SYK: variants seen among roughly 807,000 people sequenced by gnomAD.
The protein encoded by SYK is spleen associated tyrosine kinase.
Under a neutral mutation model 77.8 loss-of-function variants are expected in SYK, and 16 were observed. The ratio of observed to expected loss-of-function variants is 0.21; its 90% CI spans 0.14 to 0.31. The LOEUF is 0.31. Ranked by LOEUF, SYK falls within the 10% of genes least tolerant of loss-of-function variation. SYK has a pLI of 1.00. For missense variants in SYK, 529 were observed against 814.4 expected (o/e 0.65, Z 4.26); for synonymous variants, 312 against 308.7 (o/e 1.01, Z -0.11).
At chr9:90,871,484 C>G (rs1014757744) in intron 7 of SYK, among the ~76,000 whole-genome samples, 5 of 152,192 alleles carry the variant, frequency 3.3e-5, no homozygotes, top group Non-Finnish European at 5.9e-5. Flanking sequence ...CATTATGCCA[C>G]TGTGCTCATT....
intron 13 of SYK, among the ~76,000 whole-genome samples, chr9:90,893,287 G>T (rs1200601124): frequency 6.6e-6 from 1 of 152,122 alleles, no homozygotes; most frequent in African/African-American, 2.4e-5. Context: ...TGTCGAAGTA[G>T]TTTCTCACAG....
chr9:90,879,479 C>T (rs940724637), intron 11 of SYK, among the ~76,000 whole-genome samples: 1 of 152,200 alleles, frequency 6.6e-6, no homozygotes, highest in Non-Finnish European at 1.5e-5. Context: ...TACTGCAGTT[C>T]AGAGCTCCAA....
chr9:90,873,691 C>T (rs563156866), intron 7 of SYK, among the ~76,000 whole-genome samples: 1 of 152,274 alleles, frequency 6.6e-6, no homozygotes, highest in South Asian at 2.1e-4. Context: ...TGCATCTCCA[C>T]CGAAGATAAA....
In SYK at chr9:90,864,336, G is replaced by A. The variant is rs182565281; in HGVS notation, c.718-253G>A. ...ACAAAGGACACAGATACGGTATGAGGCCCACAAAAGCCTAAAATACCACTT... is the reference window on the plus strand; with the variant it reads ...ACAAAGGACACAGATACGGTATGAGACCCACAAAAGCCTAAAATACCACTT... On this transcript the variant is annotated intron_variant, in intron 4 of 13. Coordinates refer to ENST00000375754, the MANE Select transcript of SYK (RefSeq NM_003177.7). 5.3e-4 allele frequency among the ~76,000 whole-genome samples: 81 copies of A among 152,266 alleles called. 2 individuals carry two copies. The East Asian group carries it at 9.3e-3, about 17-fold the overall frequency.
At chr9:90,859,313 T>C (rs759780829) in intron 3 of SYK, among the ~76,000 whole-genome samples, 2 of 152,212 alleles carry the variant, frequency 1.3e-5, no homozygotes, top group Non-Finnish European at 2.9e-5. Context: ...ATTTGTTTGT[T>C]TTTTTAGTTT....
rs1828981691 is a variant in SYK, at chr9:90,896,263, C to A, written c.*663C>A. On this transcript the variant is annotated 3_prime_UTR_variant, in exon 14 of 14. Transcript: ENST00000375754. ...TCTCTGTTATGAGATGGAAGACTTA[C>A]ATGTTTGTGATAAAAGGGGACCATG... 8.6e-6 allele frequency: 2 copies of A among 232,832 alleles called. No individual in the cohort carries two copies. Among genetic ancestry groups the A allele is most frequent in the African/African-American group, 2.2e-5 (1 of 45,280 alleles). The allele number at this position is 232,832 out of a possible 1,614,324, so 14.4% of individuals were successfully genotyped here. A position where few individuals can be genotyped will look rare whatever the true frequency, so the allele number is the denominator to read the frequency against.
intron 6 of SYK, among the ~76,000 whole-genome samples, chr9:90,865,309 TG>T (rs1827441238): frequency 6.6e-6 from 1 of 151,878 alleles, no homozygotes; most frequent in African/African-American, 2.4e-5. Flanking sequence ...TTTTTTCTTT[TG>T]CTTTTTTTTT....
rs373151521 is a variant in SYK, at chr9:90,855,697, T to TGAGA, written c.579-6490_579-6487dup. ...GTGTGTGTGTGTGTGTGGGTGTGTG[T>TGAGA]GAGAGAGAGAGAGAGAGAGAGACAG... On this transcript the variant is annotated intron_variant, in intron 3 of 13. Transcript: ENST00000375754. Among the ~76,000 whole-genome samples, 17 of 150,182 alleles carry TGAGA rather than the reference T, an allele frequency of 1.1e-4. No individual in the cohort carries two copies. In the East Asian group the frequency reaches 1.4e-3, roughly 12 times the overall value.
chr9:90,873,119 T>A (rs1172629380), intron 7 of SYK, among the ~76,000 whole-genome samples: 1 of 152,178 alleles, frequency 6.6e-6, no homozygotes, highest in Non-Finnish European at 1.5e-5. Flanking sequence ...GCGGTAGTGG[T>A]GCATTGTGAC....
chr9:90,827,437 A>T (rs1161693757), intron 1 of SYK: 1 of 152,186 alleles, frequency 6.6e-6, no homozygotes, highest in East Asian at 1.9e-4. Flanking sequence ...TGGCTTGTTG[A>T]TGCCTGTCTT....
chr9:90,877,508 A>G (rs1827985838), intron 9 of SYK, 63 bp from the exon 10 acceptor site: 2 of 1,557,208 alleles, frequency 1.3e-6, no homozygotes, highest in African/African-American at 2.7e-5. Context: ...GCTTCACAGG[A>G]TAAGATTATC....
chr9:90,805,764 C>T (rs1295683206), intron 1 of SYK, among the ~76,000 whole-genome samples: 2 of 152,148 alleles, frequency 1.3e-5, no homozygotes, highest in Non-Finnish European at 2.9e-5. Flanking sequence ...AAGTTAATTT[C>T]TCTTTTTGTT....
In SYK at chr9:90,879,048, A is replaced by G; in HGVS notation, c.1581+95A>G. On this transcript the variant is annotated intron_variant, in intron 11 of 13. Coordinates refer to ENST00000375754, the MANE Select transcript of SYK (RefSeq NM_003177.7). ...TATTTTATTATTGGTATGGTTTCAA[A>G]AAGCAGTTTTGCTACTGAAAAATAA... 3.1e-6 allele frequency: 3 copies of G among 973,776 alleles called. No homozygotes were observed. In the South Asian group the frequency reaches 5.2e-5, roughly 17 times the overall value. The allele number at this position is 973,776 out of a possible 1,614,324, so 60.3% of individuals were successfully genotyped here.
intron 11 of SYK, among the ~76,000 whole-genome samples, chr9:90,885,757 A>G (rs1828548073): frequency 1.3e-5 from 2 of 152,240 alleles, no homozygotes; most frequent in Non-Finnish European, 2.9e-5. Context: ...AAGTCAAAGC[A>G]AAAGCAAATA....
At chr9:90,805,745 G>T (rs994679544) in intron 1 of SYK, among the ~76,000 whole-genome samples, 1 of 152,108 alleles carries the variant, frequency 6.6e-6, no homozygotes, top group Non-Finnish European at 1.5e-5. Context: ...AAATGTTTTG[G>T]TGTGACCTAA....
In SYK at chr9:90,846,667, A is replaced by G. The variant is rs1329761336; in HGVS notation, c.578+1073A>G. On this transcript the variant is annotated intron_variant, in intron 3 of 13. Transcript: ENST00000375754. ...GTGAGGCCCTGTCTCAAAAAAAGAA[A>G]AAAAGAAAAGAAAAATTGACCACAA... 2.1e-4 allele frequency among the ~76,000 whole-genome samples: 16 copies of G among 77,812 alleles called. No individual in the cohort carries two copies. The South Asian group carries it at 2.6e-3, about 13-fold the overall frequency. 51.0% of individuals were successfully genotyped at this position (77,812 alleles called of 152,430 possible).
intron 11 of SYK, 90 bp from the exon 12 acceptor site, chr9:90,887,659 T>A: frequency 7.0e-7 from 1 of 1,422,692 alleles, no homozygotes; most frequent in South Asian, 1.5e-5. Flanking sequence ...CTCCTCAGCC[T>A]CCCAAAGTGC....
chr9:90,806,490 C>T (rs2118253370), intron 1 of SYK, among the ~76,000 whole-genome samples: 1 of 152,262 alleles, frequency 6.6e-6, no homozygotes. Flanking sequence ...TTGCCTCAGC[C>T]TCCCAAAGTG....
intron 1 of SYK, among the ~76,000 whole-genome samples, chr9:90,814,276 A>T (rs1169944632): frequency 6.6e-6 from 1 of 152,180 alleles, no homozygotes; most frequent in Non-Finnish European, 1.5e-5. Context: ...TGTTTATAAG[A>T]TGCAGCTCAT....
Sources: gnomAD v4.1 joint callset for allele counts (sites outside exome capture counted in the v4.1 genomes callset) on GRCh38, gnomAD v4.1.1 for gene constraint, MANE v1.5 for transcripts, NCBI Gene and HGNC (gene_info 2026-07-23, HGNC 2026-07-21) for gene names.